The following SPPL3 variants were observed in gnomAD, a reference collection of about 807,000 sequenced individuals.
The protein encoded by SPPL3 is signal peptide peptidase-like 3.
Under a neutral mutation model 42.4 loss-of-function variants are expected in SPPL3, and 5 were observed. The observed-to-expected ratio is 0.12, with a 90% CI of 0.06 to 0.25. SPPL3 has a LOEUF of 0.25. Among genes scored for constraint, SPPL3 ranks in the 10% least tolerant of loss-of-function variants. The pLI is 1.00. For missense variants in SPPL3, 235 were observed against 489.0 expected (o/e 0.48, Z 4.90); for synonymous variants, 195 against 181.8 (o/e 1.07, Z -0.58).
At chr12:120,900,009 A>G (rs1873925897) in intron 1 of SPPL3, among the ~76,000 whole-genome samples, 1 of 152,104 alleles carries the variant, frequency 6.6e-6, no homozygotes, top group African/African-American at 2.4e-5. Context: ...TGCTAGGAAG[A>G]GAGCAAGCAC....
chr12:120,902,328 A>C (rs1283728768), intron 1 of SPPL3, among the ~76,000 whole-genome samples: 1 of 152,204 alleles, frequency 6.6e-6, no homozygotes, highest in Non-Finnish European at 1.5e-5. Flanking sequence ...CTCTTATGTG[A>C]AGACTCAATG....
In SPPL3 at chr12:120,767,597, G is replaced by C; in HGVS notation, c.774-4C>G. 6.2e-7 allele frequency: 1 copy of C among 1,613,938 alleles called. No homozygotes were observed. Among genetic ancestry groups the C allele is most frequent in the Non-Finnish European group, 8.5e-7 (1 of 1,179,834 alleles). On this transcript the variant is annotated splice_polypyrimidine_tract_variant and splice_region_variant and intron_variant, in intron 8 of 10. Coordinates refer to ENST00000353487, the MANE Select transcript of SPPL3 (RefSeq NM_139015.5). ...GGAGAAGTGGCTGCCAGTGGAGCTG[G>C]AATGCAGTTTCACAGGTTAGTGACG...
intron 1 of SPPL3, among the ~76,000 whole-genome samples, chr12:120,820,182 C>T (rs1871012401): frequency 6.6e-6 from 1 of 151,874 alleles, no homozygotes; most frequent in African/African-American, 2.4e-5. Context: ...AATTTTTTTG[C>T]TATCCAAAAT....
chr12:120,881,646 C>A (rs1370244370), intron 1 of SPPL3, among the ~76,000 whole-genome samples: 1 of 150,986 alleles, frequency 6.6e-6, no homozygotes, highest in African/African-American at 2.4e-5. Context: ...AAGGTGGAAG[C>A]AACTACTGCC....
intron 2 of SPPL3, among the ~76,000 whole-genome samples, chr12:120,799,423 T>A (rs1870214366): frequency 6.6e-6 from 1 of 152,218 alleles, no homozygotes; most frequent in African/African-American, 2.4e-5. Context: ...CATCATTAAG[T>A]CAAACCGTTG....
rs1874073603 is a variant in SPPL3 at position 120,903,955 on chromosome 12, G to A, written c.-88C>T. ...CGGGCCGTAGCTGAAGGCGCGGCCG[G>A]GGTCCGGTGCTTGCTTGCTTGCTCG... On this transcript the variant is annotated 5_prime_UTR_variant, in exon 1 of 11. Transcript: ENST00000353487. 3.4e-6 allele frequency: 4 copies of A among 1,180,642 alleles called. No homozygotes were observed. Among genetic ancestry groups the A allele is most frequent in the Non-Finnish European group, 4.3e-6 (4 of 924,926 alleles). The allele number at this position is 1,180,642 out of a possible 1,614,324, so 73.1% of individuals were successfully genotyped here.
chr12:120,851,447 T>G (rs1452010539), intron 1 of SPPL3, among the ~76,000 whole-genome samples: 3 of 152,160 alleles, frequency 2.0e-5, no homozygotes, highest in African/African-American at 4.8e-5. Flanking sequence ...AGTCATTTTT[T>G]TTTTTGTGGC....
At chr12:120,865,883 C>T (rs1277084026) in intron 1 of SPPL3, among the ~76,000 whole-genome samples, 2 of 152,176 alleles carry the variant, frequency 1.3e-5, no homozygotes. Context: ...CTCCCCATCG[C>T]TCACATTAAC....
chr12:120,864,995 C>T (rs541545500), intron 1 of SPPL3, among the ~76,000 whole-genome samples: 1 of 152,278 alleles, frequency 6.6e-6, no homozygotes, highest in Admixed American at 6.5e-5. Flanking sequence ...ACCAGCAGTA[C>T]CATCAATACA....
intron 10 of SPPL3, 53 bp from the exon 11 acceptor site, chr12:120,765,123 GCTGT>G: frequency 6.4e-7 from 1 of 1,568,074 alleles, no homozygotes; most frequent in Non-Finnish European, 8.7e-7. Flanking sequence ...GGCACACACA[GCTGT>G]CTGATTCTTT....
chr12:120,773,516 C>T (rs1352556604), intron 6 of SPPL3, among the ~76,000 whole-genome samples: 1 of 152,018 alleles, frequency 6.6e-6, no homozygotes, highest in African/African-American at 2.4e-5. Flanking sequence ...ATGCAGCTCA[C>T]CAGTAACCAA....
At chr12:120,884,607 T>C (rs1873391947) in intron 1 of SPPL3, among the ~76,000 whole-genome samples, 1 of 151,278 alleles carries the variant, frequency 6.6e-6, no homozygotes, top group African/African-American at 2.4e-5. Flanking sequence ...ACCTGAAAGA[T>C]ATGCAACAAA....
chr12:120,843,416 A>G (rs1291029635), intron 1 of SPPL3, among the ~76,000 whole-genome samples: 3 of 152,132 alleles, frequency 2.0e-5, no homozygotes, highest in Non-Finnish European at 4.4e-5. Flanking sequence ...CTCAAAGCCA[A>G]TATTCCTGCT....
At chr12:120,765,740 G>T (rs907097075) in intron 10 of SPPL3, among the ~76,000 whole-genome samples, 1 of 151,884 alleles carries the variant, frequency 6.6e-6, no homozygotes, top group African/African-American at 2.4e-5. Context: ...CAACTCTCTA[G>T]AGGTAGTGAG....
At chr12:120,814,864 C>T (rs898666234) in intron 1 of SPPL3, among the ~76,000 whole-genome samples, 1 of 152,118 alleles carries the variant, frequency 6.6e-6, no homozygotes, top group Non-Finnish European at 1.5e-5. Context: ...TCCCTCTACC[C>T]CCCTTTTACA....
intron 1 of SPPL3, among the ~76,000 whole-genome samples, chr12:120,882,354 C>T (rs560543450): frequency 6.6e-6 from 1 of 152,182 alleles, no homozygotes; most frequent in African/African-American, 2.4e-5. Flanking sequence ...GTGAAGGTTG[C>T]ACAATAATGT....
chr12:120,831,055 G>A (rs1055761754), intron 1 of SPPL3, among the ~76,000 whole-genome samples: 7 of 152,014 alleles, frequency 4.6e-5, no homozygotes, highest in African/African-American at 1.4e-4. Context: ...ACAAAAAGGC[G>A]GAGGAAGGGC....
At chr12:120,795,787 C>T (rs1870077386) in intron 2 of SPPL3, among the ~76,000 whole-genome samples, 1 of 152,142 alleles carries the variant, frequency 6.6e-6, no homozygotes, top group African/African-American at 2.4e-5. Context: ...ATTATTTCTT[C>T]ATGTATTATT....
intron 1 of SPPL3, among the ~76,000 whole-genome samples, chr12:120,813,839 G>C (rs1363896348): frequency 6.6e-6 from 1 of 152,042 alleles, no homozygotes; most frequent in Non-Finnish European, 1.5e-5. Context: ...ATCTCTACTA[G>C]AGACTTTCTA....
Sources: allele counts gnomAD v4.1 joint callset (sites outside exome capture counted in the v4.1 genomes callset), GRCh38; gene constraint gnomAD v4.1.1; transcripts MANE v1.5; gene names NCBI Gene and HGNC (gene_info 2026-07-23, HGNC 2026-07-21).